ANLN: variants seen among roughly 807,000 people sequenced by gnomAD.
ANLN encodes anillin, actin binding protein.
ANLN carries 59 observed loss-of-function variants against 135.1 expected under a neutral mutation model. That is an observed-to-expected ratio of 0.44 (90% CI 0.35 to 0.54). The LOEUF (loss-of-function observed/expected upper bound fraction) is 0.54. Among genes scored for constraint, ANLN ranks in the 20% least tolerant of loss-of-function variants. The pLI is 0.00. For synonymous variants in ANLN, 406 were observed against 456.4 expected (o/e 0.89, Z 1.41); for missense variants, 1,182 against 1,340.0 (o/e 0.88, Z 1.84).
At chr7:36,437,741 TTTC>T (rs897313396) in intron 20 of ANLN, among the ~76,000 whole-genome samples, 80 of 152,190 alleles carry the variant, frequency 5.3e-4, no homozygotes, top group African/African-American at 1.9e-3. Flanking sequence ...ACCTCTATGT[TTTC>T]TTTCTAAGAG....
intron 20 of ANLN, among the ~76,000 whole-genome samples, chr7:36,430,166 A>G (rs1481853316): frequency 6.6e-6 from 1 of 152,200 alleles, no homozygotes; most frequent in Non-Finnish European, 1.5e-5. Context: ...TAATAATCCT[A>G]TTTAATTGTC....
chr7:36,399,672 C>T (rs1335426331), intron 3 of ANLN, among the ~76,000 whole-genome samples: 1 of 152,136 alleles, frequency 6.6e-6, no homozygotes, highest in Non-Finnish European at 1.5e-5. Context: ...TGAGAACAAA[C>T]TATACGTGTT....
At chr7:36,449,571 TA>T (rs1159478338) in intron 22 of ANLN, 93 bp from the exon 23 acceptor site, 4 of 941,620 alleles carry the variant, frequency 4.2e-6, no homozygotes, top group Non-Finnish European at 6.1e-6. Context: ...AATAGCTTTT[TA>T]ATATTTAATT....
At chr7:36,418,771 C>G (rs1370868434) in intron 9 of ANLN, among the ~76,000 whole-genome samples, 1 of 137,288 alleles carries the variant, frequency 7.3e-6, no homozygotes, top group East Asian at 2.1e-4. Flanking sequence ...TTTTTTGTCT[C>G]AGACAGAGTT....
At chr7:36,410,043 T>C (rs1787345709) in intron 5 of ANLN, among the ~76,000 whole-genome samples, 1 of 152,064 alleles carries the variant, frequency 6.6e-6, no homozygotes, top group Admixed American at 6.6e-5. Flanking sequence ...ATTTTCCTTC[T>C]GAAGGAAAAA....
In ANLN at chr7:36,453,362, A is replaced by G. The variant is rs1415816913; in HGVS notation, c.*762A>G. On this transcript the variant is annotated 3_prime_UTR_variant, in exon 24 of 24. Coordinates refer to ENST00000265748, the MANE Select transcript of ANLN (RefSeq NM_018685.5). ...GCATATTAGTTTTTTCTACTCCTAC[A>G]AGTGTAAATTGAAAAATCTTTATAT... is the stretch of plus-strand genomic sequence containing the variant. The G allele has an allele frequency of 6.6e-6, 1 of 152,208 alleles. No homozygotes were observed. The highest frequency in any genetic ancestry group is 2.4e-5 in the African/African-American group (1 of 41,454). 9.4% of individuals were successfully genotyped at this position (152,208 alleles called of 1,614,324 possible). A position where few individuals can be genotyped will look rare whatever the true frequency, so the allele number is the denominator to read the frequency against.
At chr7:36,452,168 A>AGTGG (rs1230146485) in intron 23 of ANLN, among the ~76,000 whole-genome samples, 1 of 152,188 alleles carries the variant, frequency 6.6e-6, no homozygotes, top group Non-Finnish European at 1.5e-5. Flanking sequence ...GCCCACACTC[A>AGTGG]GTGGGTGTCC....
chr7:36,432,265 GAT>G (rs1319408676), intron 20 of ANLN, among the ~76,000 whole-genome samples: 1 of 152,174 alleles, frequency 6.6e-6, no homozygotes, highest in Non-Finnish European at 1.5e-5. Flanking sequence ...TGTTCAGGCA[GAT>G]ATCCTTTTTC....
intron 20 of ANLN, chr7:36,428,342 C>T: frequency 7.8e-7 from 1 of 1,283,534 alleles, no homozygotes. Flanking sequence ...AGCTACTGGG[C>T]TATTTGTTCC....
intron 22 of ANLN, chr7:36,449,095 G>T (rs1364337928): frequency 6.6e-6 from 1 of 152,096 alleles, no homozygotes. Flanking sequence ...ACACTTATTG[G>T]CTGTTGGCTC....
intron 1 of ANLN, among the ~76,000 whole-genome samples, chr7:36,394,111 GC>G (rs756291924): frequency 1.8e-4 from 28 of 152,242 alleles, no homozygotes; most frequent in South Asian, 1.2e-3. Flanking sequence ...CTACAGATGT[GC>G]CCCACCATGC....
intron 20 of ANLN, among the ~76,000 whole-genome samples, chr7:36,429,695 T>C (rs1411167976): frequency 6.6e-6 from 1 of 152,178 alleles, no homozygotes; most frequent in Non-Finnish European, 1.5e-5. Context: ...TTTTACTCAG[T>C]ATTGTCACAT....
At position 36,419,405 on chromosome 7, in the gene ANLN, G is replaced by A. The variant is rs1361315883; in HGVS notation, c.1795G>A (p.Glu599Lys). ...ATTAGCAGAAAGCAGCGAAGAACAG[G>A]AAGATGCACTGAATATCTCCTCAAT... ...QALAESSEEQ[E>K]DALNISSMSL... Residue 599 changes from glutamate to lysine, a missense_variant, in exon 10 of 24, where the codon GAA (glutamate) becomes AAA (lysine). By Grantham distance (56) the Glu-to-Lys change is moderately conservative. Around this residue, in one of 3 missense-constraint regions of ANLN, gnomAD observed 1,022 missense variants for 1,134.0 expected, o/e 0.90. Coordinates refer to ENST00000265748, the MANE Select transcript of ANLN (RefSeq NM_018685.5). 8 of 1,614,146 alleles carry A rather than the reference G, an allele frequency of 5.0e-6. No individual in the cohort carries two copies. The highest frequency in any genetic ancestry group is 4.0e-5 in the African/African-American group (3 of 75,064).
intron 23 of ANLN, 43 bp downstream of exon 23, chr7:36,449,880 A>T: frequency 6.3e-7 from 1 of 1,580,560 alleles, no homozygotes; most frequent in Non-Finnish European, 8.7e-7. Flanking sequence ...TAAGCAATTG[A>T]TTGCCCACTA....
chr7:36,447,544 C>G (rs1789061163), intron 22 of ANLN, among the ~76,000 whole-genome samples: 1 of 151,330 alleles, frequency 6.6e-6, no homozygotes, highest in Non-Finnish European at 1.5e-5. Context: ...CCTGCCTTAG[C>G]CTCCCGAGTA....
chr7:36,422,152 A>G (rs1787901234), intron 13 of ANLN, among the ~76,000 whole-genome samples, 160 bp downstream of exon 13: 1 of 152,236 alleles, frequency 6.6e-6, no homozygotes, highest in South Asian at 2.1e-4. Flanking sequence ...TAAGAACTCT[A>G]TGTAAAACAA....
rs957246464 is a variant in ANLN, at chr7:36,450,086, T to G, written c.3251+249T>G. Among the ~76,000 whole-genome samples, 51 of 152,350 alleles carry G rather than the reference T, an allele frequency of 3.3e-4. 2 individuals carry two copies. The highest frequency in any genetic ancestry group is 3.0e-3 in the Admixed American group (46 of 15,304). On this transcript the variant is annotated intron_variant, in intron 23 of 23. Transcript: ENST00000265748. ...CAGTATGCTCACAGTGGAGGCATTT[T>G]CATGGCAGTTAGATAATAATCTTTG...
intron 20 of ANLN, among the ~76,000 whole-genome samples, chr7:36,435,936 C>T (rs925781864): frequency 4.5e-5 from 6 of 133,510 alleles, no homozygotes; most frequent in Non-Finnish European, 9.5e-5. Context: ...GTTAGTAGTT[C>T]ATTGTTTTCA....
chr7:36,452,114 G>A lies in ANLN; in HGVS notation c.3252-363G>A, dbSNP rs571372855. Among the ~76,000 whole-genome samples the A allele has an allele frequency of 3.2e-4, 49 of 152,302 alleles. No individual in the cohort carries two copies. In the South Asian group the frequency reaches 1.0e-2, roughly 31 times the overall value. The stretch of plus-strand genomic sequence containing the variant: ...GTTATATTGGGAGTGCCCATATTCA[G>A]GGAGTGCCTATAATCAGGCCTTAGG... On this transcript the variant is annotated intron_variant, in intron 23 of 23. Transcript: ENST00000265748.
Sources: gnomAD v4.1 joint callset for allele counts (sites outside exome capture counted in the v4.1 genomes callset) on GRCh38, gnomAD v4.1.1 for gene constraint, gnomAD v4.1.1 regional missense constraint, MANE v1.5 for transcripts, NCBI Gene and HGNC (gene_info 2026-07-23, HGNC 2026-07-21) for gene names.